ROBO2: variants seen among roughly 807,000 people sequenced by gnomAD.
The protein encoded by ROBO2 is roundabout guidance receptor 2, also known as roundabout homolog 2.
In ROBO2, 53 loss-of-function variants were observed where a neutral mutation model predicts 160.8. That is an observed-to-expected ratio of 0.33 (90% CI 0.26 to 0.41). The LOEUF is 0.41. Among genes scored for constraint, ROBO2 ranks in the 10% least tolerant of loss-of-function variants. The pLI, the probability that ROBO2 is intolerant of heterozygous loss-of-function variation, is 1.00. For synonymous variants in ROBO2, 664 were observed against 611.7 expected, an observed-to-expected ratio of 1.09 and a Z score of -1.26; for missense variants, 1,577 against 1,722.4, an observed-to-expected ratio of 0.92 and a Z score of 1.49.
At chr3:77,285,872 G>T (rs1195919010) in intron 2 of ROBO2, among the ~76,000 whole-genome samples, 1 of 152,114 alleles carries the variant, frequency 6.6e-6, no homozygotes, top group East Asian at 1.9e-4. Context: ...GAAAATAAAT[G>T]TTATTTATTT....
Position 76,841,671 on chromosome 3 carries a change from C to G in ROBO2, c.110-256343C>G, listed in dbSNP as rs796233538. Among the ~76,000 whole-genome samples, 127 of 152,190 alleles carry G rather than the reference C, an allele frequency of 8.3e-4. 1 individual carries two copies. Among genetic ancestry groups the G allele is most frequent in the African/African-American group, 2.7e-3 (114 of 41,524 alleles). ...ATTAGTAACACAGAACAGAGAGGAC[C>G]ATTGGTGTTTTGTTCATGCCACCTA... On this transcript the variant is annotated intron_variant, in intron 2 of 26. Coordinates refer to the ROBO2 transcript ENST00000487694.
intron 2 of ROBO2, among the ~76,000 whole-genome samples, chr3:76,352,103 T>C (rs2074911925): frequency 1.3e-5 from 2 of 151,994 alleles, no homozygotes; most frequent in African/African-American, 4.8e-5. Flanking sequence ...GATGAAGTGT[T>C]GTCAACCTAG....
In ROBO2 at chr3:76,234,051, T is replaced by A. The variant is rs140533661; in HGVS notation, c.109+296449T>A. Among the ~76,000 whole-genome samples the A allele has an allele frequency of 7.2e-3, 1,090 of 152,340 alleles. 12 individuals are homozygous for A. Among genetic ancestry groups the A allele is most frequent in the Non-Finnish European group, 0.01 (712 of 68,032 alleles). On this transcript the variant is annotated intron_variant, in intron 2 of 26. Transcript: ENST00000487694. The stretch of plus-strand genomic sequence containing the variant: ...TATGTATTTGAAGTTTAACTCCCAC[T>A]TATAAGTGAGAACAGGCAGTATTTG...
chr3:76,925,706 C>A (rs762598547), intron 2 of ROBO2, among the ~76,000 whole-genome samples: 1 of 152,102 alleles, frequency 6.6e-6, no homozygotes, highest in Non-Finnish European at 1.5e-5. Context: ...GCCGCTTACA[C>A]CACAACAAAC....
chr3:77,563,116 T>C, intron 10 of ROBO2, 51 bp from the exon 12 acceptor site: 2 of 1,574,022 alleles, frequency 1.3e-6, no homozygotes, highest in South Asian at 2.2e-5. Context: ...TTAGGCAGTA[T>C]TGTCAACTTA....
chr3:77,295,136 T>C (rs566232467), intron 2 of ROBO2, among the ~76,000 whole-genome samples: 2,406 of 118,706 alleles, frequency 0.02, 57 homozygotes, highest in African/African-American at 0.073. Context: ...TCACCCCAGA[T>C]ATAAAGTAAA....
intron 1 of ROBO2, among the ~76,000 whole-genome samples, chr3:75,926,319 G>A (rs1225468868): frequency 6.6e-6 from 1 of 152,064 alleles, no homozygotes; most frequent in Non-Finnish European, 1.5e-5. Context: ...CCATGGGGTT[G>A]GTTGTATGGT....
intron 2 of ROBO2, among the ~76,000 whole-genome samples, chr3:76,516,870 G>A (rs2081368669): frequency 6.6e-6 from 1 of 152,062 alleles, no homozygotes; most frequent in Admixed American, 6.6e-5. Context: ...AGGTAATAAG[G>A]CAGCTGTTTT....
chr3:76,583,079 G>C (rs1024340344), intron 2 of ROBO2, among the ~76,000 whole-genome samples: 1 of 151,726 alleles, frequency 6.6e-6, no homozygotes, highest in Non-Finnish European at 1.5e-5. Flanking sequence ...CTGGAGTACG[G>C]AACCGAGCTG....
chr3:77,003,793 A>G (rs978738244), intron 2 of ROBO2, among the ~76,000 whole-genome samples: 3 of 152,034 alleles, frequency 2.0e-5, no homozygotes, highest in Non-Finnish European at 4.4e-5. Flanking sequence ...CAGGTGATCC[A>G]CCTGACTCGG....
chr3:76,209,877 G>A (rs1703035049), intron 2 of ROBO2, among the ~76,000 whole-genome samples: 1 of 152,000 alleles, frequency 6.6e-6, no homozygotes, highest in Non-Finnish European at 1.5e-5. Context: ...ATCTTCTATG[G>A]AATACAGAGG....
chr3:76,895,340 T>C (rs1256927687), intron 2 of ROBO2, among the ~76,000 whole-genome samples: 2 of 152,116 alleles, frequency 1.3e-5, no homozygotes, highest in Non-Finnish European at 2.9e-5. Flanking sequence ...GCCCAAATCA[T>C]AATAAATTTT....
chr3:76,126,015 C>T lies in ROBO2; in HGVS notation c.109+188413C>T, dbSNP rs146398938. Among the ~76,000 whole-genome samples, 390 of 152,112 alleles carry T rather than the reference C, an allele frequency of 2.6e-3. 1 individual carries two copies. Among genetic ancestry groups the T allele is most frequent in the South Asian group, 8.9e-3 (43 of 4,814 alleles). ...CTAATTTTTGTATTTTTAGTAGAGA[C>T]GAGGTTTCACCATGTCTCTGACCTC... On this transcript the variant is annotated intron_variant, in intron 2 of 26. Transcript: ENST00000487694.
chr3:76,584,037 A>T (rs1336695360), intron 2 of ROBO2, among the ~76,000 whole-genome samples: 3 of 151,960 alleles, frequency 2.0e-5, no homozygotes, highest in Admixed American at 2.0e-4. Context: ...CCTTCTTCAA[A>T]CTCTCCTCCT....
At chr3:76,575,337 C>G (rs995035547) in intron 2 of ROBO2, among the ~76,000 whole-genome samples, 1 of 151,900 alleles carries the variant, frequency 6.6e-6, no homozygotes, top group Non-Finnish European at 1.5e-5. Context: ...TAAAATATTT[C>G]TTTATATTAC....
intron 1 of ROBO2, among the ~76,000 whole-genome samples, chr3:75,919,156 A>G (rs1054548279): frequency 6.6e-6 from 1 of 152,146 alleles, no homozygotes; most frequent in Non-Finnish European, 1.5e-5. Context: ...GCCATTTAGC[A>G]TGATATTAGC....
chr3:77,525,331 T>C (rs2091034709), intron 6 of ROBO2, among the ~76,000 whole-genome samples: 1 of 149,024 alleles, frequency 6.7e-6, no homozygotes, highest in South Asian at 2.2e-4. Flanking sequence ...TATCATAACA[T>C]TCACATTAGC....
intron 2 of ROBO2, among the ~76,000 whole-genome samples, chr3:76,445,225 A>C (rs888431746): frequency 2.0e-5 from 3 of 152,326 alleles, no homozygotes; most frequent in Admixed American, 6.5e-5. Flanking sequence ...TGAAAGTATA[A>C]TTGTACAGGG....
chr3:77,019,696 C>T (rs2062504961), intron 2 of ROBO2, among the ~76,000 whole-genome samples: 1 of 152,196 alleles, frequency 6.6e-6, no homozygotes. Flanking sequence ...AGGATTTTAT[C>T]ACTTTTAGTT....
Sources: allele counts gnomAD v4.1 joint callset (sites outside exome capture counted in the v4.1 genomes callset), GRCh38; gene constraint gnomAD v4.1.1; transcripts MANE v1.5; gene names NCBI Gene and HGNC (gene_info 2026-07-23, HGNC 2026-07-21).